DNAH6: variants seen among roughly 807,000 people sequenced by gnomAD.
DNAH6 encodes the protein dynein axonemal heavy chain 6, also known as axonemal beta dynein heavy chain 6.
Under a neutral mutation model 491.4 loss-of-function variants are expected in DNAH6, and 340 were observed. The observed-to-expected ratio is 0.69, with a 90% confidence interval of 0.63 to 0.76. The LOEUF is 0.76. Among genes scored for constraint, DNAH6 ranks in the 30% least tolerant of loss-of-function variants. DNAH6 has a pLI of 0.00. For synonymous variants in DNAH6, 1,603 were observed against 1,686.1 expected, an observed-to-expected ratio of 0.95 and a Z score of 1.21; for missense variants, 4,443 against 4,972.2, an observed-to-expected ratio of 0.89 and a Z score of 3.20.
At chr2:84,526,381 C>G (rs958096433) in intron 3 of DNAH6, among the ~76,000 whole-genome samples, 20 of 152,226 alleles carry the variant, frequency 1.3e-4, no homozygotes, top group Middle Eastern at 3.4e-3. Context: ...ATTAGAACTG[C>G]TAGACGTGCA....
chr2:84,813,469 G>A (rs141786200), intron 74 of DNAH6, among the ~76,000 whole-genome samples: 5 of 152,294 alleles, frequency 3.3e-5, no homozygotes, highest in Admixed American at 6.5e-5. Context: ...CCAGCTGTGA[G>A]CAGCTCCCTT....
chr2:84,574,151 G>C (rs930314274), intron 12 of DNAH6, among the ~76,000 whole-genome samples: 2 of 151,986 alleles, frequency 1.3e-5, no homozygotes, highest in African/African-American at 4.8e-5. Flanking sequence ...ATATTTGTTT[G>C]CTATTTTAAA....
intron 54 of DNAH6, among the ~76,000 whole-genome samples, chr2:84,708,751 G>T (rs1390402977): frequency 2.0e-5 from 3 of 152,028 alleles, no homozygotes; most frequent in Non-Finnish European, 2.9e-5. Context: ...TCATTTTTTT[G>T]AAATGTCTTC....
intron 63 of DNAH6, among the ~76,000 whole-genome samples, chr2:84,745,507 T>C (rs1672884258): frequency 6.6e-6 from 1 of 151,824 alleles, no homozygotes; most frequent in South Asian, 2.1e-4. Context: ...CTACTAAAAA[T>C]ACAAAATAAT....
chr2:84,572,578 G>T (rs1410485542), intron 11 of DNAH6, among the ~76,000 whole-genome samples: 2 of 152,086 alleles, frequency 1.3e-5, no homozygotes, highest in East Asian at 1.9e-4. Context: ...TAAAATAAAT[G>T]AACAAATAAC....
At chr2:84,473,658 A>T in the DNAH6 span, among the ~76,000 whole-genome samples, 3 of 152,230 alleles carry the variant, frequency 2.0e-5, no homozygotes, top group Admixed American at 6.5e-5. Flanking sequence ...AATCCAATTA[A>T]TGTCTCCTAA....
intron 68 of DNAH6, among the ~76,000 whole-genome samples, chr2:84,793,628 A>G (rs995607898): frequency 2.6e-5 from 4 of 152,190 alleles, no homozygotes; most frequent in Non-Finnish European, 5.9e-5. Context: ...TTTATGTTCC[A>G]AGATTTCCCA....
Position 84,808,435 on chromosome 2 carries a change from G to A in DNAH6, c.11632G>A (p.Ala3878Thr). The A allele has an allele frequency of 6.5e-7, 1 of 1,542,492 alleles. No homozygotes were observed. The highest frequency in any genetic ancestry group is 8.7e-7 in the Non-Finnish European group (1 of 1,144,032). ...TTCAGAAAAACTGGAAATGGAGGGTGCTTCTGAGAGCCTTTTTGTCAAGGA... is the reference window on the plus strand; with the variant it reads ...TTCAGAAAAACTGGAAATGGAGGGTACTTCTGAGAGCCTTTTTGTCAAGGA... The part of the protein sequence containing the change: ...RVPEKLEMEG[A>T]SESLFVKDLQ... The change falls in exon 72 of 77, where the codon GCT becomes ACT. Residue 3878 changes from alanine to threonine, a missense_variant. Around this residue, in one of 3 missense-constraint regions of DNAH6, gnomAD observed 1,463 missense variants for 1,656.6 expected, o/e 0.88. Transcript: ENST00000389394.
upstream of DNAH6, among the ~76,000 whole-genome samples, chr2:84,513,177 TTAAG>T (rs1236800814): frequency 7.9e-5 from 12 of 152,136 alleles, no homozygotes; most frequent in South Asian, 6.2e-4. Flanking sequence ...TTATAATTAA[TTAAG>T]TTTTTCTTCC....
intron 33 of DNAH6, among the ~76,000 whole-genome samples, chr2:84,646,550 A>C (rs537265048): frequency 6.6e-6 from 1 of 152,346 alleles, no homozygotes; most frequent in African/African-American, 2.4e-5. Flanking sequence ...AAGAAATTAA[A>C]AGTGCTACTC....
In DNAH6 at chr2:84,762,951, T is replaced by G. The variant is rs2105136643; in HGVS notation, c.10703+6T>G. 2 of 1,548,300 alleles carry G rather than the reference T, an allele frequency of 1.3e-6. No individual in the cohort carries two copies. Among genetic ancestry groups the G allele is most frequent in the Non-Finnish European group, 1.7e-6 (2 of 1,144,950 alleles). Reference sequence around the variant, plus strand: ...GAAAGTGGATATTCAGAACGGTAAGTTCATGTTGTGCAGTTTTAATAATGC... The same window carrying G: ...GAAAGTGGATATTCAGAACGGTAAGGTCATGTTGTGCAGTTTTAATAATGC... On this transcript the variant is annotated splice_donor_region_variant and intron_variant, in intron 64 of 76. Transcript: ENST00000389394.
At chr2:84,680,201 G>T (rs966893388) in intron 41 of DNAH6, among the ~76,000 whole-genome samples, 3 of 152,156 alleles carry the variant, frequency 2.0e-5, no homozygotes, top group Non-Finnish European at 4.4e-5. Flanking sequence ...TATTTCAAAA[G>T]ATCTCATATA....
intron 47 of DNAH6, among the ~76,000 whole-genome samples, chr2:84,698,691 A>G (rs1265592952): frequency 6.6e-6 from 1 of 152,244 alleles, no homozygotes; most frequent in African/African-American, 2.4e-5. Context: ...ACTGGTATAT[A>G]CCCAAAGGAA....
chr2:84,727,179 C>T (rs1452637293), intron 60 of DNAH6, among the ~76,000 whole-genome samples: 1 of 152,166 alleles, frequency 6.6e-6, no homozygotes, highest in Non-Finnish European at 1.5e-5. Context: ...TGCTAGCTCA[C>T]CTCTGTTTTC....
chr2:84,595,568 A>C, intron 17 of DNAH6, 78 bp from the exon 18 acceptor site: 1 of 1,322,176 alleles, frequency 7.6e-7, no homozygotes, highest in Non-Finnish European at 1.0e-6. Context: ...TTAACTTTTA[A>C]AAGTTTTTTT....
At chr2:84,686,397 G>A in intron 43 of DNAH6, 87 bp from the exon 44 acceptor site, 2 of 745,760 alleles carry the variant, frequency 2.7e-6, no homozygotes, top group Non-Finnish European at 4.5e-6. Flanking sequence ...TAAGTAAAAT[G>A]CAGCTATTAT....
chr2:84,482,119 C>T, the DNAH6 span, among the ~76,000 whole-genome samples: 2 of 152,210 alleles, frequency 1.3e-5, no homozygotes, highest in Non-Finnish European at 1.5e-5. Flanking sequence ...CACCTCCTGA[C>T]ACAAACACAG....
intron 60 of DNAH6, 111 bp downstream of exon 60, chr2:84,722,915 C>T (rs1698299621): frequency 2.9e-6 from 2 of 687,690 alleles, no homozygotes; most frequent in Admixed American, 7.5e-5. Context: ...GTAAAATCTC[C>T]CAGGTGCATG....
At chr2:84,714,734 G>T (rs185327320) in intron 57 of DNAH6, among the ~76,000 whole-genome samples, 2 of 151,746 alleles carry the variant, frequency 1.3e-5, no homozygotes, top group Non-Finnish European at 2.9e-5. Flanking sequence ...TTTTGAGAGG[G>T]TGTATTGCCC....
Sources: gnomAD v4.1 joint callset for allele counts (sites outside exome capture counted in the v4.1 genomes callset) on GRCh38, gnomAD v4.1.1 for gene constraint, gnomAD v4.1.1 regional missense constraint, MANE v1.5 for transcripts, NCBI Gene and HGNC (gene_info 2026-07-23, HGNC 2026-07-21) for gene names.